Variants in C8orf34 observed in about 807,000 individuals in gnomAD.
C8orf34 encodes the protein uncharacterized protein C8orf34.
Under a neutral mutation model 68.3 loss-of-function variants are expected in C8orf34, and 65 were observed. The observed-to-expected ratio is 0.95, with a 90% CI of 0.78 to 1.17. C8orf34 has a LOEUF of 1.17. C8orf34 is among the 50% of genes most tolerant of loss of function. The pLI is 0.00. For missense variants in C8orf34, 664 were observed against 655.4 expected (o/e 1.01, Z -0.14); for synonymous variants, 244 against 241.2 (o/e 1.01, Z -0.11).
chr8:68,465,550 C>T (rs1008734046), intron 3 of C8orf34, among the ~76,000 whole-genome samples: 3 of 152,048 alleles, frequency 2.0e-5, no homozygotes, highest in African/African-American at 7.3e-5. Context: ...TGGAACCAAC[C>T]CAAATGTCCA....
intron 10 of C8orf34, among the ~76,000 whole-genome samples, chr8:68,768,811 A>T (rs1267114394): frequency 1.3e-5 from 2 of 152,070 alleles, no homozygotes; most frequent in East Asian, 3.9e-4. Context: ...CGGCAACTGC[A>T]TGTTAATACC....
intron 6 of C8orf34, among the ~76,000 whole-genome samples, chr8:68,527,359 T>C (rs914344790): frequency 2.6e-4 from 39 of 152,080 alleles, no homozygotes; most frequent in African/African-American, 9.4e-4. Context: ...GATCACAAGG[T>C]CAGGAGGTCG....
chr8:68,413,905 T>G (rs1350039905), intron 1 of C8orf34, among the ~76,000 whole-genome samples: 4 of 152,210 alleles, frequency 2.6e-5, no homozygotes, highest in African/African-American at 9.6e-5. Flanking sequence ...AAGCAACAAT[T>G]GGACTCTACA....
chr8:68,772,182 G>T (rs1823359150), intron 10 of C8orf34, among the ~76,000 whole-genome samples: 1 of 152,186 alleles, frequency 6.6e-6, no homozygotes, highest in African/African-American at 2.4e-5. Context: ...TCTGGTAGAA[G>T]TAGGTTTCTC....
intron 8 of C8orf34, among the ~76,000 whole-genome samples, chr8:68,692,552 G>GT (rs1197086680): frequency 6.6e-6 from 1 of 151,764 alleles, no homozygotes; most frequent in African/African-American, 2.4e-5. Flanking sequence ...TATTAGAAAA[G>GT]TTATAACAAA....
At chr8:68,510,378 C>T (rs1471895938) in intron 5 of C8orf34, among the ~76,000 whole-genome samples, 1 of 152,146 alleles carries the variant, frequency 6.6e-6, no homozygotes, top group South Asian at 2.1e-4. Context: ...GATAGGCATC[C>T]TATTTATCCC....
chr8:68,607,681 G>T (rs1249504729), intron 7 of C8orf34, among the ~76,000 whole-genome samples: 1 of 152,094 alleles, frequency 6.6e-6, no homozygotes, highest in Non-Finnish European at 1.5e-5. Flanking sequence ...TTATTGTAAA[G>T]TTAAATCATT....
rs77837731 is a variant in C8orf34, at chr8:68,527,938, T to C, written c.939-5045T>C. ...GGGGCTGGAGAAGAGGGTGGTGTCA[T>C]CCTTTATCGTCTGCTGCTTCCAGAT... is the stretch of plus-strand genomic sequence containing the variant. On this transcript the variant is annotated intron_variant, in intron 6 of 13. Transcript: ENST00000518698. Among the ~76,000 whole-genome samples, 595 of 152,236 alleles carry C rather than the reference T, an allele frequency of 3.9e-3. 16 individuals carry two copies. The highest frequency in any genetic ancestry group is 0.03 in the Admixed American group (459 of 15,290).
chr8:68,551,874 G>T (rs1468635984), intron 7 of C8orf34, among the ~76,000 whole-genome samples: 1 of 152,060 alleles, frequency 6.6e-6, no homozygotes, highest in African/African-American at 2.4e-5. Context: ...TTATGCCCAT[G>T]ATTTCTGTTG....
chr8:68,772,102 C>A lies in C8orf34; in HGVS notation c.1405-4297C>A, dbSNP rs1046317313. Among the ~76,000 whole-genome samples, 3 of 152,118 alleles carry A rather than the reference C, an allele frequency of 2.0e-5. No individual in the cohort carries two copies. In the South Asian group the frequency reaches 6.2e-4, roughly 31 times the overall value. ...TGGGTTCCAAATACCTCAGGTAGTT[C>A]TTAAGAGAATGCTCTGTAGGTTAGA... On this transcript the variant is annotated intron_variant, in intron 10 of 13. Transcript: ENST00000518698.
At chr8:68,467,613 T>C (rs1240350289) in intron 3 of C8orf34, among the ~76,000 whole-genome samples, 1 of 151,980 alleles carries the variant, frequency 6.6e-6, no homozygotes, top group African/African-American at 2.4e-5. Flanking sequence ...GGAGGTCACC[T>C]GTTTCCTGAA....
chr8:68,517,845 C>T (rs1387164341), intron 5 of C8orf34, among the ~76,000 whole-genome samples: 1 of 152,140 alleles, frequency 6.6e-6, no homozygotes, highest in Non-Finnish European at 1.5e-5. Context: ...TCTCCAAGCC[C>T]AATTCTGCCC....
chr8:68,698,985 A>G (rs572056576), intron 8 of C8orf34, among the ~76,000 whole-genome samples: 95 of 152,188 alleles, frequency 6.2e-4, no homozygotes, highest in Middle Eastern at 3.4e-3. Context: ...CCATAGCTAT[A>G]AAGCTGTAAA....
intron 3 of C8orf34, among the ~76,000 whole-genome samples, chr8:68,463,113 C>T (rs1439033020): frequency 2.0e-5 from 3 of 152,194 alleles, no homozygotes; most frequent in African/African-American, 4.8e-5. Flanking sequence ...GGGGATATCA[C>T]CACTGATCCC....
intron 8 of C8orf34, among the ~76,000 whole-genome samples, chr8:68,640,788 C>T (rs1287752443): frequency 2.0e-5 from 3 of 152,116 alleles, no homozygotes; most frequent in Non-Finnish European, 2.9e-5. Flanking sequence ...TCCACCATTC[C>T]GTTCTCTTTC....
chr8:68,732,805 G>A (rs1822014060), intron 10 of C8orf34, among the ~76,000 whole-genome samples: 1 of 152,182 alleles, frequency 6.6e-6, no homozygotes, highest in South Asian at 2.1e-4. Context: ...AGCTGGGCGT[G>A]TAATCCCAGC....
Position 68,745,002 on chromosome 8 carries a change from G to C in C8orf34, c.1404+23565G>C, listed in dbSNP as rs527289374. On this transcript the variant is annotated intron_variant, in intron 10 of 13. Coordinates refer to ENST00000518698, the MANE Select transcript of C8orf34 (RefSeq NM_052958.4). ...CCAGAGAGAAAGGTCGGGTTACCCT[G>C]AAAGGGAAGCCCATCAGACTAACAG... is the stretch of plus-strand genomic sequence containing the variant. Among the ~76,000 whole-genome samples the C allele has an allele frequency of 5.5e-4, 83 of 152,020 alleles. 1 individual carries two copies. In the South Asian group the frequency reaches 7.1e-3, roughly 13 times the overall value.
At chr8:68,421,869 A>G (rs1268430580) in intron 1 of C8orf34, among the ~76,000 whole-genome samples, 1 of 152,220 alleles carries the variant, frequency 6.6e-6, no homozygotes, top group Non-Finnish European at 1.5e-5. Context: ...ACTTACATTC[A>G]TGGCAGAAGG....
intron 4 of C8orf34, among the ~76,000 whole-genome samples, chr8:68,482,260 C>T (rs952463291): frequency 3.9e-5 from 6 of 152,114 alleles, no homozygotes; most frequent in Admixed American, 1.3e-4. Flanking sequence ...GGCCTCCCCA[C>T]GTGTGTGGAA....
Sources: gnomAD v4.1 joint callset for allele counts (sites outside exome capture counted in the v4.1 genomes callset) on GRCh38, gnomAD v4.1.1 for gene constraint, MANE v1.5 for transcripts, NCBI Gene and HGNC (gene_info 2026-07-23, HGNC 2026-07-21) for gene names.